Variants in HHLA1 observed in about 807,000 individuals in gnomAD.
HHLA1 encodes HHLA1 neighbor of OC90.
In HHLA1, 72 loss-of-function variants were observed where a neutral mutation model predicts 69.9. The ratio of observed to expected loss-of-function variants is 1.03; its 90% confidence interval spans 0.85 to 1.25. The LOEUF is 1.25. Among genes scored for constraint, HHLA1 ranks in the 50% most tolerant of loss-of-function variants. HHLA1 has a pLI of 0.00. For synonymous variants in HHLA1, 252 were observed against 233.2 expected, an observed-to-expected ratio of 1.08 and a Z score of -0.73; for missense variants, 685 against 642.2, an observed-to-expected ratio of 1.07 and a Z score of -0.72.
In HHLA1 at chr8:132,100,128, C is replaced by T; in HGVS notation, c.146G>A (p.Gly49Asp). 1.3e-6 allele frequency: 2 copies of T among 1,550,348 alleles called. No homozygotes were observed. The highest frequency in any genetic ancestry group is 1.7e-6 in the Non-Finnish European group (2 of 1,145,828). Residue 49 changes from glycine (G) to aspartate (D), a missense_variant, in exon 4 of 17, where the codon GGC becomes GAC. By Grantham distance (94) the Gly-to-Asp change is moderately conservative. Transcript: ENST00000414222. ...CTCCTTCCTCTCTTCTTCTCTAAGG[C>T]CAGACACTGGGAAGGAGACAGTTTT... ...GMTFLPTTVSGLREEERKEKG... is the reference protein window; with the variant it reads ...GMTFLPTTVSDLREEERKEKG...
At chr8:132,104,601 A>T (rs1002113082) in intron 2 of HHLA1, among the ~76,000 whole-genome samples, 1 of 152,190 alleles carries the variant, frequency 6.6e-6, no homozygotes, top group Non-Finnish European at 1.5e-5. Flanking sequence ...TATACAGAAC[A>T]GCACAAGCCC....
At chr8:132,108,215 T>C (rs1228893619) in intron 1 of HHLA1, among the ~76,000 whole-genome samples, 1 of 152,232 alleles carries the variant, frequency 6.6e-6, no homozygotes, top group Non-Finnish European at 1.5e-5. Context: ...ATTTGTAGAC[T>C]GTAGCGGACA....
intron 15 of HHLA1, chr8:132,070,373 T>C (rs1479304611): frequency 1.9e-5 from 13 of 701,984 alleles, no homozygotes; most frequent in Admixed American, 8.0e-5. Context: ...TAGGGATTTA[T>C]GAAAGAACTG....
chr8:132,084,123 G>C (rs1279001969), intron 10 of HHLA1, among the ~76,000 whole-genome samples: 1 of 152,122 alleles, frequency 6.6e-6, no homozygotes, highest in African/African-American at 2.4e-5. Flanking sequence ...TATGCCTTTG[G>C]CTCCAGCCAC....
In HHLA1 at chr8:132,100,097, C is replaced by T. The variant is rs1380934851; in HGVS notation, c.177G>A (p.Gly59=). Residue 59 remains glycine, a synonymous_variant, in exon 4 of 17, where the codon GGG becomes GGA. Transcript: ENST00000414222. ...CACCCGTCGTAGCAAGAAATGCCAC[C>T]CCCTTCTCCTTCCTCTCTTCTTCTC... is the stretch of plus-strand genomic sequence containing the variant. The part of the protein sequence containing the change: ...GLREEERKEK[G]VAFLATTELP... 1.9e-6 allele frequency: 3 copies of T among 1,551,446 alleles called. No homozygotes were observed. The highest frequency in any genetic ancestry group is 2.6e-6 in the Non-Finnish European group (3 of 1,146,818).
intron 4 of HHLA1, among the ~76,000 whole-genome samples, 161 bp from the exon 5 acceptor site, chr8:132,099,123 G>A (rs1005645638): frequency 1.3e-5 from 2 of 152,186 alleles, no homozygotes; most frequent in Non-Finnish European, 2.9e-5. Flanking sequence ...TAAGAGGAGG[G>A]TCTCGACCTC....
At chr8:132,080,001 C>A (rs1462576062) in intron 10 of HHLA1, 35 bp from the exon 11 acceptor site, 1 of 1,552,002 alleles carries the variant, frequency 6.4e-7, no homozygotes. Flanking sequence ...CATTAACATG[C>A]TTGACACTTT....
chr8:132,080,116 A>G, intron 10 of HHLA1, 150 bp from the exon 11 acceptor site: 2 of 1,081,536 alleles, frequency 1.8e-6, no homozygotes, highest in Non-Finnish European at 2.8e-6. Flanking sequence ...TTTCCTGAAC[A>G]GATTCTGACC....
In HHLA1 at chr8:132,078,105, G is replaced by A. The variant is rs80213901; in HGVS notation, c.926-134C>T. 8.8e-3 allele frequency: 8,360 copies of A among 949,482 alleles called. 88 individuals carry two copies. Among genetic ancestry groups the A allele is most frequent in the East Asian group, 0.043 (1,577 of 36,390 alleles). 58.8% of individuals were successfully genotyped at this position (949,482 alleles called of 1,614,324 possible). A position where few individuals can be genotyped will look rare whatever the true frequency, so the allele number is the denominator to read the frequency against. ...AACGTGTAATATAAGTAATCCAGGGGCTTAAACTTTACTCTGAACTGAAAT... is the reference window on the plus strand; with the variant it reads ...AACGTGTAATATAAGTAATCCAGGGACTTAAACTTTACTCTGAACTGAAAT... On this transcript the variant is annotated intron_variant, in intron 11 of 16. Coordinates refer to ENST00000414222, the MANE Select transcript of HHLA1 (RefSeq NM_001145095.3).
rs1370568 is a variant in HHLA1, at chr8:132,100,145, G to C, written c.140-11C>G. 9 of 1,545,928 alleles carry C rather than the reference G, an allele frequency of 5.8e-6. No individual in the cohort carries two copies. The highest frequency in any genetic ancestry group is 3.9e-5 in the Admixed American group (2 of 50,946). On this transcript the variant is annotated splice_polypyrimidine_tract_variant and intron_variant, in intron 3 of 16. Transcript: ENST00000414222. ...CTCTAAGGCCAGACACTGGGAAGGAGACAGTTTTCATGAGAAAAATGTGAG... is the reference window on the plus strand; with the variant it reads ...CTCTAAGGCCAGACACTGGGAAGGACACAGTTTTCATGAGAAAAATGTGAG...
At chr8:132,076,414 A>G (rs1268737252) in intron 13 of HHLA1, 61 bp downstream of exon 13, 7 of 879,698 alleles carry the variant, frequency 8.0e-6, no homozygotes, top group African/African-American at 3.5e-5. Context: ...CCTTGTCCCC[A>G]AGCTTCCCAC....
In HHLA1 at chr8:132,091,849, T is replaced by A. The variant is rs536775349; in HGVS notation, c.449-2250A>T. On this transcript the variant is annotated intron_variant, in intron 7 of 16. Coordinates refer to ENST00000414222, the MANE Select transcript of HHLA1 (RefSeq NM_001145095.3). ...GACATTTTGGCAATTCAAATCATTA[T>A]AATATTGTTTCCCTGTCAGCCAACA... Among the ~76,000 whole-genome samples, 29 of 152,346 alleles carry A rather than the reference T, an allele frequency of 1.9e-4. No homozygotes were observed. The South Asian group carries it at 2.7e-3, about 14-fold the overall frequency.
chr8:132,076,236 T>C (rs1163303378), intron 13 of HHLA1, 107 bp from the exon 14 acceptor site: 1 of 892,712 alleles, frequency 1.1e-6, no homozygotes. Flanking sequence ...TCTTGAAATC[T>C]ATAGGAAAAT....
intron 10 of HHLA1, 90 bp from the exon 11 acceptor site, chr8:132,080,056 T>G (rs946199636): frequency 6.8e-7 from 1 of 1,460,110 alleles, no homozygotes; most frequent in Non-Finnish European, 9.4e-7. Context: ...AATATATGAA[T>G]GTGGAGATTC....
chr8:132,082,393 T>C (rs1297543593), intron 10 of HHLA1, among the ~76,000 whole-genome samples: 4 of 152,344 alleles, frequency 2.6e-5, no homozygotes, highest in African/African-American at 9.6e-5. Context: ...GGTGTGGTCC[T>C]GGCTCTTGTG....
In HHLA1 at chr8:132,095,729, T is replaced by C; in HGVS notation, c.338A>G (p.His113Arg). ...SVTSYSSFAF[H>R]KFSVAVYNIS... is the part of the protein sequence containing the mutation. The stretch of plus-strand genomic sequence containing the variant: ...GTTGTAAACAGCTACAGAAAACTTG[T>C]GGAAGGCGAAGGAACTGTAGGAAGT... The change falls in exon 6 of 17, where the codon CAC becomes CGC. Residue 113 changes from histidine (H) to arginine (R), a missense_variant. By Grantham distance (29) the His-to-Arg change is conservative (BLOSUM62 0). Coordinates refer to ENST00000414222, the MANE Select transcript of HHLA1 (RefSeq NM_001145095.3). 2 of 1,551,184 alleles carry C rather than the reference T, an allele frequency of 1.3e-6. No individual in the cohort carries two copies. Among genetic ancestry groups the C allele is most frequent in the Non-Finnish European group, 1.7e-6 (2 of 1,146,806 alleles).
chr8:132,107,649 T>C (rs1003979530), intron 1 of HHLA1, among the ~76,000 whole-genome samples: 1 of 152,226 alleles, frequency 6.6e-6, no homozygotes, highest in African/African-American at 2.4e-5. Context: ...CTGATACTGT[T>C]CTTGGAGAAA....
chr8:132,099,690 C>A (rs1480894593), intron 4 of HHLA1, among the ~76,000 whole-genome samples: 2 of 152,020 alleles, frequency 1.3e-5, no homozygotes, highest in African/African-American at 4.8e-5. Flanking sequence ...CCCATAGCTA[C>A]TAAAAATATA....
chr8:132,095,878 C>T (rs1824018760), intron 5 of HHLA1, 92 bp from the exon 6 acceptor site: 1 of 630,640 alleles, frequency 1.6e-6, no homozygotes, highest in South Asian at 3.2e-5. Flanking sequence ...ATTAACAATG[C>T]CAATAAAGAA....
Sources: gnomAD v4.1 joint callset for allele counts (sites outside exome capture counted in the v4.1 genomes callset) on GRCh38, gnomAD v4.1.1 for gene constraint, MANE v1.5 for transcripts, NCBI Gene and HGNC (gene_info 2026-07-23, HGNC 2026-07-21) for gene names.